Variants in TSNARE1 observed in about 807,000 individuals in gnomAD.
TSNARE1 encodes the protein t-SNARE domain-containing protein 1.
A neutral mutation model predicts 62.0 loss-of-function variants in TSNARE1; 49 were observed. The observed-to-expected ratio is 0.79, with a 90% CI of 0.63 to 1.00. The LOEUF (loss-of-function observed/expected upper bound fraction) is 1.00. Ranked by LOEUF, TSNARE1 falls within the 50% of genes least tolerant of loss-of-function variation. TSNARE1 has a pLI of 0.00. For synonymous variants in TSNARE1, 328 were observed against 294.4 expected (o/e 1.11, Z -1.17); for missense variants, 755 against 700.1 (o/e 1.08, Z -0.88).
chr8:142,318,709 G>A, intron 6 of TSNARE1, 75 bp from the exon 7 acceptor site: 2 of 1,478,490 alleles, frequency 1.4e-6, no homozygotes, highest in Non-Finnish European at 1.9e-6. Flanking sequence ...GAAGGACGGA[G>A]CAAGCAGGGA....
chr8:142,395,714 G>A (rs1837849155), intron 1 of TSNARE1, among the ~76,000 whole-genome samples: 1 of 152,148 alleles, frequency 6.6e-6, no homozygotes, highest in Admixed American at 6.5e-5. Context: ...CGCCTCCTGC[G>A]CCCACTCCCA....
intron 13 of TSNARE1, among the ~76,000 whole-genome samples, chr8:142,226,915 C>G (rs572187123): frequency 6.6e-6 from 1 of 151,714 alleles, no homozygotes. Context: ...AATAACAAGT[C>G]CCCCACTGCA....
Position 142,275,359 on chromosome 8 carries a change from G to A in TSNARE1, c.1364-496C>T, listed in dbSNP as rs1018318494. ...CACTGGCCCTCGACTCAAGCACAGG[G>A]AGCTGATCAGAAAGTTGTGCTGCCG... On this transcript the variant is annotated intron_variant, in intron 11 of 13. Transcript: ENST00000524325. 1.7e-5 allele frequency: 17 copies of A among 985,310 alleles called. No individual in the cohort carries two copies. In the African/African-American group the frequency reaches 2.3e-4, roughly 13 times the overall value. 61.0% of individuals were successfully genotyped at this position (985,310 alleles called of 1,614,324 possible).
At chr8:142,405,992 G>A (rs1838578584), upstream of TSNARE1, 1 of 152,346 alleles carries the variant, frequency 6.6e-6, no homozygotes, top group African/African-American at 2.4e-5. Flanking sequence ...TGGGCCAGCT[G>A]TGACACTGTT....
intron 12 of TSNARE1, among the ~76,000 whole-genome samples, chr8:142,253,280 G>A (rs1166359674): frequency 1.3e-5 from 2 of 152,322 alleles, no homozygotes; most frequent in Non-Finnish European, 1.5e-5. Context: ...GCCACCTCCC[G>A]AGCACAAGCA....
At chr8:142,219,285 G>A (rs572545918) in intron 13 of TSNARE1, among the ~76,000 whole-genome samples, 1 of 152,302 alleles carries the variant, frequency 6.6e-6, no homozygotes, top group Admixed American at 6.5e-5. Flanking sequence ...GGAAGGAGAA[G>A]GAAAGCTTAG....
intron 9 of TSNARE1, among the ~76,000 whole-genome samples, chr8:142,302,993 T>A (rs1826022298): frequency 1.3e-5 from 2 of 151,922 alleles, no homozygotes; most frequent in African/African-American, 4.8e-5. Flanking sequence ...CCCCAACCCA[T>A]CCCACTCACG....
intron 12 of TSNARE1, among the ~76,000 whole-genome samples, chr8:142,237,281 G>A (rs1051532896): frequency 4.6e-5 from 7 of 152,178 alleles, no homozygotes; most frequent in Non-Finnish European, 1.0e-4. Context: ...TGACTGCTCC[G>A]CCCACCAGTG....
At chr8:142,259,508 G>A (rs1818750192) in intron 12 of TSNARE1, among the ~76,000 whole-genome samples, 1 of 152,174 alleles carries the variant, frequency 6.6e-6, no homozygotes, top group Non-Finnish European at 1.5e-5. Flanking sequence ...CAGACTGGGG[G>A]AAGAATCTAT....
intron 12 of TSNARE1, among the ~76,000 whole-genome samples, chr8:142,240,210 C>A (rs1237249773): frequency 1.3e-5 from 2 of 152,122 alleles, no homozygotes; most frequent in African/African-American, 4.8e-5. Context: ...CTGTTAAGAG[C>A]AGACAACATG....
intron 9 of TSNARE1, among the ~76,000 whole-genome samples, chr8:142,303,003 G>A (rs562196702): frequency 8.5e-5 from 13 of 152,186 alleles, no homozygotes; most frequent in Admixed American, 1.3e-4. Context: ...TCCCACTCAC[G>A]TCCAGAGCTC....
intron 10 of TSNARE1, among the ~76,000 whole-genome samples, chr8:142,292,748 T>C (rs944596550): frequency 2.6e-5 from 4 of 152,100 alleles, no homozygotes; most frequent in African/African-American, 9.7e-5. Flanking sequence ...CCAAAGCGCA[T>C]TGAGCATGGA....
intron 11 of TSNARE1, chr8:142,275,127 G>A: frequency 2.0e-6 from 2 of 985,456 alleles, no homozygotes; most frequent in Non-Finnish European, 1.2e-6. Flanking sequence ...GGCAGGAAGA[G>A]TCCACTCAGG....
intron 10 of TSNARE1, among the ~76,000 whole-genome samples, chr8:142,298,673 C>T (rs1825167773): frequency 6.6e-6 from 1 of 152,192 alleles, no homozygotes; most frequent in South Asian, 2.1e-4. Flanking sequence ...GAGCGACCTC[C>T]ACTCCTTGGA....
intron 12 of TSNARE1, among the ~76,000 whole-genome samples, chr8:142,254,785 C>A (rs1818342350): frequency 6.6e-6 from 1 of 152,188 alleles, no homozygotes; most frequent in African/African-American, 2.4e-5. Context: ...GAGGACAACA[C>A]AAGACAGTGC....
intron 11 of TSNARE1, among the ~76,000 whole-genome samples, chr8:142,279,483 G>A (rs899734904): frequency 3.9e-5 from 6 of 152,144 alleles, no homozygotes; most frequent in African/African-American, 1.2e-4. Flanking sequence ...GCCTCCCCAC[G>A]GTAGCGCTCA....
At position 142,397,638 on chromosome 8, in the gene TSNARE1, A is replaced by T. The variant is rs11996872; in HGVS notation, c.-40+5466T>A. ...GAAGAAAACAACAGTTGATCTGGCC[A>T]CAGCACTGGGCCAGAGGCTCCCAGG... is the stretch of plus-strand genomic sequence containing the variant. On this transcript the variant is annotated intron_variant, in intron 1 of 13. Transcript: ENST00000524325. Among the ~76,000 whole-genome samples the T allele has an allele frequency of 8.3e-3, 1,260 of 152,318 alleles. 20 individuals carry two copies. The highest frequency in any genetic ancestry group is 0.029 in the African/African-American group (1,191 of 41,582).
At chr8:142,362,831 A>G (rs553672998) in intron 1 of TSNARE1, among the ~76,000 whole-genome samples, 26 of 152,342 alleles carry the variant, frequency 1.7e-4, no homozygotes, top group African/African-American at 5.8e-4. Flanking sequence ...TGTCCCAGCA[A>G]GTCCTGGCCC....
intron 7 of TSNARE1, among the ~76,000 whole-genome samples, chr8:142,317,726 G>C (rs1379512982): frequency 1.3e-5 from 2 of 152,178 alleles, no homozygotes; most frequent in East Asian, 1.9e-4. Context: ...GGGAGGCAGA[G>C]GTGGGAGGAT....
Sources: gnomAD v4.1 joint callset for allele counts (sites outside exome capture counted in the v4.1 genomes callset) on GRCh38, gnomAD v4.1.1 for gene constraint, MANE v1.5 for transcripts, NCBI Gene and HGNC (gene_info 2026-07-23, HGNC 2026-07-21) for gene names.